TGFA: variants seen among roughly 807,000 people sequenced by gnomAD.
The protein encoded by TGFA is protransforming growth factor alpha.
A neutral mutation model predicts 21.7 loss-of-function variants in TGFA; 12 were observed. The ratio of observed to expected loss-of-function variants is 0.55; its 90% confidence interval spans 0.35 to 0.90. TGFA has a LOEUF of 0.90. TGFA is among the 40% of genes least tolerant of loss of function. The pLI is 0.01. For synonymous variants in TGFA, 79 were observed against 88.1 expected (o/e 0.90, Z 0.58); for missense variants, 178 against 210.8 (o/e 0.84, Z 0.96).
intron 2 of TGFA, among the ~76,000 whole-genome samples, chr2:70,483,686 G>C (rs1671194759): frequency 6.6e-6 from 1 of 152,140 alleles, no homozygotes; most frequent in Admixed American, 6.5e-5. Flanking sequence ...TGCTCCCAAA[G>C]ATAGCCTCAG....
At chr2:70,456,633 G>C (rs868932673) in intron 3 of TGFA, 145 bp from the exon 4 acceptor site, 1 of 971,284 alleles carries the variant, frequency 1.0e-6, no homozygotes, top group Non-Finnish European at 1.5e-6. Flanking sequence ...GGAGGGAAAG[G>C]TGTCAGCAAA....
Position 70,480,634 on chromosome 2 carries a change from A to C in TGFA, c.95-14898T>G, listed in dbSNP as rs112175260. Among the ~76,000 whole-genome samples, 931 of 152,106 alleles carry C rather than the reference A, an allele frequency of 6.1e-3. 13 individuals are homozygous for C. The highest frequency in any genetic ancestry group is 0.021 in the African/African-American group (864 of 41,466). On this transcript the variant is annotated intron_variant, in intron 2 of 5. Transcript: ENST00000295400. ...AATATAACAGTGCCTCGCCACCCCC[A>C]CCAACCACTTAAAAAGTTTCTCCAT...
intron 2 of TGFA, among the ~76,000 whole-genome samples, chr2:70,474,525 G>A (rs143343541): frequency 5.8e-4 from 89 of 152,272 alleles, no homozygotes; most frequent in African/African-American, 2.0e-3. Flanking sequence ...GGGGAGGAGT[G>A]GGGAACTATA....
chr2:70,459,174 C>T (rs182187204), intron 3 of TGFA, among the ~76,000 whole-genome samples: 89 of 152,296 alleles, frequency 5.8e-4, no homozygotes, highest in African/African-American at 2.1e-3. Context: ...ATTCTAGCAC[C>T]TCACCTATTA....
chr2:70,519,319 A>T (rs1378521007), intron 1 of TGFA, among the ~76,000 whole-genome samples: 1 of 152,248 alleles, frequency 6.6e-6, no homozygotes, highest in Non-Finnish European at 1.5e-5. Flanking sequence ...TGGGCCACAC[A>T]GAACCCAGGG....
intron 1 of TGFA, among the ~76,000 whole-genome samples, chr2:70,538,036 T>A (rs371110584): frequency 3.3e-5 from 5 of 152,208 alleles, no homozygotes; most frequent in African/African-American, 9.7e-5. Context: ...TCATTTACCA[T>A]TCAAGATTCC....
At chr2:70,549,486 G>C (rs1056714095) in intron 1 of TGFA, among the ~76,000 whole-genome samples, 1 of 152,106 alleles carries the variant, frequency 6.6e-6, no homozygotes, top group South Asian at 2.1e-4. Flanking sequence ...AATCACAACC[G>C]CAGTGGAGGA....
chr2:70,487,678 T>A (rs1179092076), intron 2 of TGFA, among the ~76,000 whole-genome samples: 1 of 152,228 alleles, frequency 6.6e-6, no homozygotes, highest in Non-Finnish European at 1.5e-5. Flanking sequence ...GACATGGTAA[T>A]CTTTGATGGC....
intron 2 of TGFA, among the ~76,000 whole-genome samples, chr2:70,474,968 C>CTGTGTG (rs1559108483): frequency 2.3e-5 from 2 of 88,522 alleles, no homozygotes; most frequent in Non-Finnish European, 4.5e-5. Context: ...AACACAGCAG[C>CTGTGTG]CGTGTGTGTG....
chr2:70,457,495 T>C (rs1442807898), intron 3 of TGFA, among the ~76,000 whole-genome samples: 1 of 152,168 alleles, frequency 6.6e-6, no homozygotes, highest in African/African-American at 2.4e-5. Flanking sequence ...GTAACATTCT[T>C]ATCGTCAATA....
chr2:70,475,032 A>G (rs1553493980), intron 2 of TGFA, among the ~76,000 whole-genome samples: 2 of 150,664 alleles, frequency 1.3e-5, no homozygotes, highest in Non-Finnish European at 1.5e-5. Context: ...GAGTCAGAGA[A>G]GCCCCAGTGG....
chr2:70,499,042 G>A lies in TGFA; in HGVS notation c.94+15817C>T, dbSNP rs572449128. Among the ~76,000 whole-genome samples, 3 of 152,214 alleles carry A rather than the reference G, an allele frequency of 2.0e-5. No individual in the cohort carries two copies. In the South Asian group the frequency reaches 6.2e-4, roughly 32 times the overall value. On this transcript the variant is annotated intron_variant, in intron 2 of 5. Transcript: ENST00000295400. ...TTAAAACTCCCCAGGTAATTCTAAC[G>A]TGCAGCCATAGTTGAGAACTCTAGT...
At chr2:70,463,132 C>G (rs554802584) in intron 3 of TGFA, among the ~76,000 whole-genome samples, 1 of 152,072 alleles carries the variant, frequency 6.6e-6, no homozygotes, top group East Asian at 1.9e-4. Context: ...CTCTGGGACT[C>G]TGGGCAAGTT....
intron 1 of TGFA, among the ~76,000 whole-genome samples, chr2:70,524,045 C>A (rs757545269): frequency 3.3e-5 from 5 of 152,146 alleles, no homozygotes; most frequent in African/African-American, 9.7e-5. Context: ...TGTTGAGACA[C>A]TTTTGTTTCT....
intron 1 of TGFA, among the ~76,000 whole-genome samples, chr2:70,545,248 C>A (rs57905246): frequency 0.038 from 5,768 of 150,828 alleles, 388 homozygotes; most frequent in African/African-American, 0.13. Context: ...ACAAAGAAGA[C>A]GAAGATGAAG....
At chr2:70,511,360 G>T (rs74323322) in intron 2 of TGFA, among the ~76,000 whole-genome samples, 2,223 of 152,242 alleles carry the variant, frequency 0.015, 24 homozygotes, top group Non-Finnish European at 0.021. Flanking sequence ...ATTGATTCTG[G>T]GATTGAGTAA....
intron 3 of TGFA, among the ~76,000 whole-genome samples, chr2:70,465,166 C>T (rs949828950): frequency 2.0e-5 from 3 of 152,182 alleles, no homozygotes; most frequent in African/African-American, 4.8e-5. Flanking sequence ...ACTAGCCCTT[C>T]ACCTGCACTT....
In TGFA at chr2:70,465,445, G is replaced by C. The variant is rs782411179; in HGVS notation, c.215+171C>G. Among the ~76,000 whole-genome samples the C allele has an allele frequency of 4.6e-5, 7 of 152,250 alleles. No homozygotes were observed. In the Middle Eastern group the frequency reaches 0.017, roughly 370 times the overall value. ...GGGGGCCTTGGAACCTGGATTTTTA[G>C]ACATCTGGTTTTGAAAAAGGTGTCC... On this transcript the variant is annotated intron_variant, in intron 3 of 5. Transcript: ENST00000295400.
At chr2:70,535,677 A>G (rs376116094) in intron 1 of TGFA, among the ~76,000 whole-genome samples, 10 of 152,232 alleles carry the variant, frequency 6.6e-5, no homozygotes, top group African/African-American at 2.4e-4. Flanking sequence ...TTTATCTGAA[A>G]TCCAAAACAT....
Sources: allele counts gnomAD v4.1 joint callset (sites outside exome capture counted in the v4.1 genomes callset), GRCh38; gene constraint gnomAD v4.1.1; transcripts MANE v1.5; gene names NCBI Gene and HGNC (gene_info 2026-07-23, HGNC 2026-07-21).